The following UGT8 variants were observed in gnomAD, a reference collection of about 807,000 sequenced individuals.
UGT8 encodes the protein 2-hydroxyacylsphingosine 1-beta-galactosyltransferase.
Under a neutral mutation model 40.5 loss-of-function variants are expected in UGT8, and 12 were observed. The ratio of observed to expected loss-of-function variants is 0.30; its 90% CI spans 0.19 to 0.48. The LOEUF (loss-of-function observed/expected upper bound fraction) is 0.48, where lower values mean the gene tolerates loss of function less well. Among genes scored for constraint, UGT8 ranks in the 20% least tolerant of loss-of-function variants. The pLI is 0.99. For missense variants in UGT8, 513 were observed against 648.7 expected (o/e 0.79, Z 2.27); for synonymous variants, 224 against 240.4 (o/e 0.93, Z 0.63).
At chr4:114,641,475 C>T (rs1398155489) in intron 2 of UGT8, among the ~76,000 whole-genome samples, 1 of 152,096 alleles carries the variant, frequency 6.6e-6, no homozygotes, top group Non-Finnish European at 1.5e-5. Flanking sequence ...AAATGTTAGA[C>T]CTAGAAAATT....
At chr4:114,655,860 CTTTA>C (rs1035514179) in intron 2 of UGT8, among the ~76,000 whole-genome samples, 10 of 152,034 alleles carry the variant, frequency 6.6e-5, no homozygotes, top group African/African-American at 1.9e-4. Flanking sequence ...TATCAGTGGC[CTTTA>C]TTTGCTATGT....
upstream of UGT8, chr4:114,598,694 G>T (rs1730240688): frequency 1.8e-5 from 2 of 114,046 alleles, no homozygotes; most frequent in Admixed American, 1.6e-4. Context: ...ACGCAGGGCG[G>T]GGCGCGGCTG....
At chr4:114,640,131 C>T (rs1345328590) in intron 2 of UGT8, among the ~76,000 whole-genome samples, 3 of 150,894 alleles carry the variant, frequency 2.0e-5, no homozygotes, top group Non-Finnish European at 4.4e-5. Flanking sequence ...CCCGGGTTCA[C>T]GCCATTCTCC....
intron 2 of UGT8, among the ~76,000 whole-genome samples, chr4:114,656,022 T>C (rs970309456): frequency 3.3e-5 from 5 of 152,154 alleles, no homozygotes; most frequent in Admixed American, 1.3e-4. Context: ...TTTTGCATCC[T>C]TACAGGAATA....
At position 114,676,665 on chromosome 4, in the gene UGT8, T is replaced by TTGTGTG. The variant is rs149001721; in HGVS notation, c.*391_*396dup. On this transcript the variant is annotated 3_prime_UTR_variant, in exon 6 of 6. Transcript: ENST00000310836. ...TATGTGTGTGTGTGTGTGTGTGTGT[T>TTGTGTG]TGTGTGTGTGTGTGTGTGTCCTAAT... The TTGTGTG allele has an allele frequency of 1.9e-3, 285 of 150,672 alleles. 9 individuals carry two copies. The East Asian group carries it at 0.051, about 27-fold the overall frequency. 9.3% of individuals were successfully genotyped at this position (150,672 alleles called of 1,614,324 possible). A position where few individuals can be genotyped will look rare whatever the true frequency, so the allele number is the denominator to read the frequency against.
chr4:114,649,577 A>C (rs1340605099), intron 2 of UGT8, among the ~76,000 whole-genome samples: 3 of 152,114 alleles, frequency 2.0e-5, no homozygotes, highest in Non-Finnish European at 2.9e-5. Context: ...CCTCAACCCC[A>C]CGGTCAAGAT....
chr4:114,630,739 A>C (rs535053880), intron 2 of UGT8, among the ~76,000 whole-genome samples: 37 of 152,286 alleles, frequency 2.4e-4, no homozygotes, highest in African/African-American at 8.4e-4. Flanking sequence ...GAGTTTCTTA[A>C]GAAATGAACA....
intron 5 of UGT8, among the ~76,000 whole-genome samples, 158 bp downstream of exon 5, chr4:114,668,462 A>G (rs949543045): frequency 3.3e-5 from 5 of 152,198 alleles, no homozygotes; most frequent in Non-Finnish European, 5.9e-5. Context: ...TATTATTTAG[A>G]AAATGAAAAC....
Position 114,677,731 on chromosome 4 carries a change from T to G in UGT8, c.*1443T>G, listed in dbSNP as rs1341090139. ...TGGTTGAGTGTATGCTTTATTTGTT[T>G]CTAGTTTGAAATCCCACATCTGATA... On this transcript the variant is annotated 3_prime_UTR_variant, in exon 6 of 6. Coordinates refer to ENST00000310836, the MANE Select transcript of UGT8 (RefSeq NM_001128174.3). 6.6e-6 allele frequency: 1 copy of G among 152,220 alleles called. No individual in the cohort carries two copies. Among genetic ancestry groups the G allele is most frequent in the African/African-American group, 2.4e-5 (1 of 41,466 alleles). The allele number at this position is 152,220 out of a possible 1,614,324, so 9.4% of individuals were successfully genotyped here.
intron 2 of UGT8, among the ~76,000 whole-genome samples, chr4:114,662,852 A>G (rs1479410927): frequency 8.7e-6 from 1 of 114,432 alleles, no homozygotes. Context: ...TTGAGACAGA[A>G]TCTCACTCTG....
At chr4:114,650,753 G>A (rs1202563283) in intron 2 of UGT8, among the ~76,000 whole-genome samples, 1 of 151,942 alleles carries the variant, frequency 6.6e-6, no homozygotes, top group South Asian at 2.1e-4. Context: ...CATAAATTCA[G>A]GGCTTTGTTT....
intron 2 of UGT8, among the ~76,000 whole-genome samples, chr4:114,630,617 T>C (rs1248714824): frequency 3.3e-5 from 5 of 152,072 alleles, no homozygotes. Flanking sequence ...TTGACACTGG[T>C]ACTTCTGTTT....
intron 2 of UGT8, among the ~76,000 whole-genome samples, chr4:114,640,711 T>C (rs1733169637): frequency 6.6e-6 from 1 of 152,126 alleles, no homozygotes; most frequent in Admixed American, 6.5e-5. Context: ...GCAAGTCACA[T>C]CTTACATGAA....
chr4:114,612,227 A>G (rs888684520), intron 1 of UGT8, among the ~76,000 whole-genome samples: 1 of 152,160 alleles, frequency 6.6e-6, no homozygotes, highest in East Asian at 1.9e-4. Context: ...TTAAAAAAAA[A>G]CAGGGTTGAA....
chr4:114,635,689 C>T (rs920302265), intron 2 of UGT8, among the ~76,000 whole-genome samples: 2 of 152,102 alleles, frequency 1.3e-5, no homozygotes, highest in Admixed American at 6.5e-5. Flanking sequence ...TTTCCCCCCT[C>T]ATAAAAAAGA....
At chr4:114,666,607 A>G (rs1487814996) in intron 4 of UGT8, among the ~76,000 whole-genome samples, 2 of 152,194 alleles carry the variant, frequency 1.3e-5, no homozygotes, top group Non-Finnish European at 2.9e-5. Context: ...GAAGATAGGA[A>G]AGAAGCAGGA....
In UGT8 at chr4:114,676,064, T is replaced by C. The variant is rs555231076; in HGVS notation, c.1402T>C (p.Ser468Pro). ...HHLRAAVHQI[S>P]FCQYFLLDIA... The stretch of plus-strand genomic sequence containing the variant: ...CCTACGTGCCGCTGTCCATCAGATC[T>C]CCTTTTGTCAGTATTTTTTACTGGA... Residue 468 changes from serine to proline, a missense_variant, in exon 6 of 6, where the codon TCC becomes CCC. Around this residue, in one of 3 missense-constraint regions of UGT8, gnomAD observed 175 missense variants for 186.7 expected, o/e 0.94. Coordinates refer to ENST00000310836, the MANE Select transcript of UGT8 (RefSeq NM_001128174.3). 3 of 1,614,234 alleles carry C rather than the reference T, an allele frequency of 1.9e-6. No homozygotes were observed. Among genetic ancestry groups the C allele is most frequent in the Non-Finnish European group, 2.5e-6 (3 of 1,180,044 alleles).
At chr4:114,673,168 AT>A (rs33963406) in intron 5 of UGT8, among the ~76,000 whole-genome samples, 144,020 of 152,216 alleles carry the variant, frequency 0.95, 68,696 homozygotes, top group East Asian at 1. Context: ...TGGAGTGACC[AT>A]TTTTAATCAC....
intron 1 of UGT8, among the ~76,000 whole-genome samples, chr4:114,607,791 C>T (rs1386594123): frequency 6.6e-6 from 1 of 152,054 alleles, no homozygotes; most frequent in Admixed American, 6.6e-5. Context: ...TTCATGAAGA[C>T]CTTCTTCCCT....
Sources: allele counts gnomAD v4.1 joint callset (sites outside exome capture counted in the v4.1 genomes callset), GRCh38; gene constraint gnomAD v4.1.1; regional missense constraint gnomAD v4.1.1; transcripts MANE v1.5; gene names NCBI Gene and HGNC (gene_info 2026-07-23, HGNC 2026-07-21).